Variants in COL4A3 observed in about 807,000 individuals in gnomAD.
COL4A3 encodes collagen alpha-3(IV) chain.
Under a neutral mutation model 217.4 loss-of-function variants are expected in COL4A3, and 135 were observed. The observed-to-expected ratio is 0.62, with a 90% CI of 0.54 to 0.72. The LOEUF (loss-of-function observed/expected upper bound fraction) is 0.72. COL4A3 is among the 30% of genes least tolerant of loss of function. COL4A3 has a pLI of 0.00. For missense variants in COL4A3, 1,868 were observed against 2,119.9 expected (o/e 0.88, Z 2.33); for synonymous variants, 690 against 736.3 (o/e 0.94, Z 1.02).
chr2:227,202,797 TATATA>T (rs1348525724), intron 1 of COL4A3, among the ~76,000 whole-genome samples: 5 of 125,584 alleles, frequency 4.0e-5, no homozygotes, highest in Admixed American at 8.8e-5. Flanking sequence ...CATGTGTATA[TATATA>T]ATATGTGTAT....
intron 1 of COL4A3, among the ~76,000 whole-genome samples, chr2:227,203,914 G>T (rs1404971336): frequency 6.6e-6 from 1 of 151,870 alleles, no homozygotes; most frequent in African/African-American, 2.4e-5. Flanking sequence ...TTAAGCATGA[G>T]AATTTTGTCT....
intron 1 of COL4A3, among the ~76,000 whole-genome samples, chr2:227,222,126 T>TAAC (rs2067823834): frequency 1.9e-5 from 1 of 53,730 alleles, no homozygotes; most frequent in Non-Finnish European, 4.1e-5. Flanking sequence ...CTGTCTCTAA[T>TAAC]AATAATAATA....
chr2:227,238,953 T>G (rs563127864), intron 2 of COL4A3, among the ~76,000 whole-genome samples: 5 of 152,232 alleles, frequency 3.3e-5, no homozygotes, highest in Admixed American at 6.5e-5. Context: ...TAAAAGTAAC[T>G]GAGTAGCGAG....
At chr2:227,209,902 C>A (rs994562071) in intron 1 of COL4A3, among the ~76,000 whole-genome samples, 1 of 152,116 alleles carries the variant, frequency 6.6e-6, no homozygotes, top group Non-Finnish European at 1.5e-5. Flanking sequence ...TGTTCAGTTT[C>A]TTTTTATATG....
chr2:227,297,523 C>G (rs957264404), intron 41 of COL4A3, 151 bp from the exon 42 acceptor site: 2 of 708,494 alleles, frequency 2.8e-6, no homozygotes, highest in Non-Finnish European at 4.6e-6. Flanking sequence ...ATTGCATTTA[C>G]CAGCAATATA....
Position 227,244,295 on chromosome 2 carries a change from T to TTTTTC in COL4A3, c.235-20_235-16dup, listed in dbSNP as rs760082878. The TTTTTC allele has an allele frequency of 1.6e-4, 252 of 1,612,462 alleles. 1 individual carries two copies. The South Asian group carries it at 2.7e-3, about 17-fold the overall frequency. Reference sequence around the variant, plus strand: ...GCCAAATAATTTTCAGAGTGTTTACTTTTTCTTTTTTCACTTGAATCTAGG... The same window carrying TTTTTC: ...GCCAAATAATTTTCAGAGTGTTTACTTTTTCTTTTCTTTTTTCACTTGAATCTAGG... On this transcript the variant is annotated intron_variant, in intron 3 of 51. Coordinates refer to ENST00000396578, the MANE Select transcript of COL4A3 (RefSeq NM_000091.5).
intron 1 of COL4A3, among the ~76,000 whole-genome samples, chr2:227,214,427 T>C (rs368865141): frequency 1.8e-4 from 27 of 152,378 alleles, no homozygotes; most frequent in African/African-American, 6.3e-4. Context: ...GTCATTTGTA[T>C]ATTCTCTGAT....
chr2:227,275,582 T>C (rs2071507866), intron 26 of COL4A3, among the ~76,000 whole-genome samples: 1 of 152,226 alleles, frequency 6.6e-6, no homozygotes, highest in South Asian at 2.1e-4. Context: ...ACCTATTTTT[T>C]TCTATAAATA....
At chr2:227,272,231 T>C (rs530263606) in intron 25 of COL4A3, among the ~76,000 whole-genome samples, 1 of 152,206 alleles carries the variant, frequency 6.6e-6, no homozygotes, top group Non-Finnish European at 1.5e-5. Context: ...TGCATCTCAC[T>C]GATTTTTCTT....
At chr2:227,221,285 C>G (rs1428412914) in intron 1 of COL4A3, 3 of 152,242 alleles carry the variant, frequency 2.0e-5, no homozygotes, top group African/African-American at 7.2e-5. Context: ...CATCTTTGTC[C>G]CTAGGACTCC....
rs1265323524 is a variant in COL4A3 at position 227,266,424 on chromosome 2, C to CGCAAGG, written c.1324_1325insCAAGGG (p.Ile441_Val442insAlaArg). On this transcript the variant is annotated inframe_insertion, in exon 22 of 52. Transcript: ENST00000396578. Reference sequence around the variant, plus strand: ...GGTGCTGTATTTTTATAGGTGACATCGTTTTTCGCAAGGGTCCACCTGGAG... The same window carrying CGCAAGG: ...GGTGCTGTATTTTTATAGGTGACATCGCAAGGGTTTTTCGCAAGGGTCCACCTGGAG... The CGCAAGG allele has an allele frequency of 1.2e-6, 2 of 1,613,740 alleles. No homozygotes were observed. The highest frequency in any genetic ancestry group is 1.7e-6 in the Non-Finnish European group (2 of 1,179,688).
At chr2:227,240,094 G>T in intron 2 of COL4A3, 49 bp from the exon 3 acceptor site, 1 of 1,401,720 alleles carries the variant, frequency 7.1e-7, no homozygotes, top group Non-Finnish European at 9.9e-7. Context: ...TGTTTATTGT[G>T]GGATAGTTGC....
intron 20 of COL4A3, among the ~76,000 whole-genome samples, chr2:227,262,087 A>T (rs1239672495): frequency 6.6e-6 from 1 of 152,228 alleles, no homozygotes; most frequent in Non-Finnish European, 1.5e-5. Context: ...AATCAAAATA[A>T]AGCAGACTGC....
intron 1 of COL4A3, among the ~76,000 whole-genome samples, chr2:227,171,513 T>G (rs2065471782): frequency 6.6e-6 from 1 of 151,202 alleles, no homozygotes; most frequent in African/African-American, 2.4e-5. Flanking sequence ...AATCCACATG[T>G]GCGTTGTTTT....
At chr2:227,227,981 G>A (rs6436666) in intron 1 of COL4A3, 48,689 of 152,036 alleles carry the variant, frequency 0.32, 8,261 homozygotes, top group Non-Finnish European at 0.36. Flanking sequence ...TGCATAAGAC[G>A]GGCAAAATTT....
chr2:227,164,662 G>A lies in COL4A3; in HGVS notation c.-65G>A. The stretch of plus-strand genomic sequence containing the variant: ...GGGCTCCCAGAGCCGCGCTGCGCAG[G>A]AGACGCGGTGGCCTGAGAGCCTGAG... On this transcript the variant is annotated 5_prime_UTR_variant, in exon 1 of 52. Coordinates refer to ENST00000396578, the MANE Select transcript of COL4A3 (RefSeq NM_000091.5). The surrounding 1 kb of genome is among the most constrained non-coding windows in gnomAD (Gnocchi z 4.8). The A allele has an allele frequency of 2.0e-6, 3 of 1,528,054 alleles. No individual in the cohort carries two copies. The African/African-American group carries it at 4.1e-5, about 21-fold the overall frequency. The allele number at this position is 1,528,054 out of a possible 1,614,324, so 94.7% of individuals were successfully genotyped here. A position where few individuals can be genotyped will look rare whatever the true frequency, so the allele number is the denominator to read the frequency against.
At chr2:227,176,826 G>A (rs756381640) in intron 1 of COL4A3, among the ~76,000 whole-genome samples, 1 of 152,076 alleles carries the variant, frequency 6.6e-6, no homozygotes, top group Admixed American at 6.6e-5. Context: ...GAGACCCAAG[G>A]CAACAAGGCC....
At chr2:227,199,886 T>A (rs1057059814) in intron 1 of COL4A3, among the ~76,000 whole-genome samples, 1 of 152,174 alleles carries the variant, frequency 6.6e-6, no homozygotes, top group Non-Finnish European at 1.5e-5. Context: ...CCTCCCAATG[T>A]TAATAGGAAG....
intron 1 of COL4A3, among the ~76,000 whole-genome samples, chr2:227,197,196 GT>G (rs896139826): frequency 1.3e-5 from 2 of 151,600 alleles, no homozygotes; most frequent in African/African-American, 4.9e-5. Context: ...TTTGGGTACG[GT>G]TTTTTTGTTT....
Sources: allele counts gnomAD v4.1 joint callset (sites outside exome capture counted in the v4.1 genomes callset), GRCh38; gene constraint gnomAD v4.1.1; non-coding constraint Gnocchi (gnomAD v3.1); transcripts MANE v1.5; gene names NCBI Gene and HGNC (gene_info 2026-07-23, HGNC 2026-07-21).